The following NRXN1 variants were observed in gnomAD, a reference collection of about 807,000 sequenced individuals.
The protein encoded by NRXN1 is neurexin-1.
Under a neutral mutation model 150.9 loss-of-function variants are expected in NRXN1, and 39 were observed. That is an observed-to-expected ratio of 0.26 (90% confidence interval 0.20 to 0.34). The LOEUF is 0.34. NRXN1 is among the 10% of genes least tolerant of loss of function. The probability of loss-of-function intolerance (pLI) is 1.00; values close to 1 mark genes in which losing one functional copy is unlikely to be tolerated. For missense variants in NRXN1, 1,815 were observed against 1,949.9 expected, an observed-to-expected ratio of 0.93 and a Z score of 1.30; for synonymous variants, 924 against 757.0, an observed-to-expected ratio of 1.22 and a Z score of -3.62.
intron 5 of NRXN1, among the ~76,000 whole-genome samples, chr2:50,899,636 GT>G (rs769084080): frequency 6.6e-6 from 1 of 152,026 alleles, no homozygotes; most frequent in Non-Finnish European, 1.5e-5. Context: ...GAGTTAATTT[GT>G]TTTTTTCTAA....
At chr2:50,591,539 A>G (rs1674250331) in intron 8 of NRXN1, among the ~76,000 whole-genome samples, 2 of 152,206 alleles carry the variant, frequency 1.3e-5, no homozygotes, top group African/African-American at 4.8e-5. Flanking sequence ...TGTGGGTCCC[A>G]GGAAGTTCTG....
chr2:50,640,465 A>C (rs1683913444), intron 5 of NRXN1, among the ~76,000 whole-genome samples: 1 of 152,202 alleles, frequency 6.6e-6, no homozygotes, highest in Non-Finnish European at 1.5e-5. Flanking sequence ...TCTCTTATAA[A>C]GGAGAAACAC....
chr2:51,021,565 T>C (rs538793459), intron 2 of NRXN1, among the ~76,000 whole-genome samples: 41 of 149,740 alleles, frequency 2.7e-4, no homozygotes, highest in Admixed American at 4.7e-4. Context: ...TATATATATA[T>C]ACACAATTTT....
chr2:49,951,900 G>T (rs571036646), intron 21 of NRXN1, among the ~76,000 whole-genome samples: 1 of 152,080 alleles, frequency 6.6e-6, no homozygotes, highest in Non-Finnish European at 1.5e-5. Flanking sequence ...AAATGCCTAT[G>T]ATGGATAATT....
chr2:50,355,633 C>G (rs1293225485), intron 17 of NRXN1, among the ~76,000 whole-genome samples: 1 of 152,088 alleles, frequency 6.6e-6, no homozygotes, highest in East Asian at 1.9e-4. Flanking sequence ...TCCTTCGTCT[C>G]TTAGTATTGC....
chr2:50,956,339 A>T (rs1283528330), intron 2 of NRXN1, among the ~76,000 whole-genome samples: 1 of 152,158 alleles, frequency 6.6e-6, no homozygotes, highest in Non-Finnish European at 1.5e-5. Flanking sequence ...CTGCAATTTC[A>T]AGCATCCACT....
intron 18 of NRXN1, among the ~76,000 whole-genome samples, chr2:50,105,957 T>C (rs574089136): frequency 6.6e-6 from 1 of 151,972 alleles, no homozygotes; most frequent in East Asian, 1.9e-4. Context: ...AAAATATGAA[T>C]TGATCCATTA....
Position 50,230,593 on chromosome 2 carries a change from G to A in NRXN1, c.3546+6196C>T, listed in dbSNP as rs1174130431. Among the ~76,000 whole-genome samples, 4 of 152,010 alleles carry A rather than the reference G, an allele frequency of 2.6e-5. No homozygotes were observed. The East Asian group carries it at 7.8e-4, about 30-fold the overall frequency. On this transcript the variant is annotated intron_variant, in intron 18 of 22. Coordinates refer to ENST00000401669, the MANE Select transcript of NRXN1 (RefSeq NM_001330078.2). ...AGGCAGCAGTACAAGCCTCTAAGTG[G>A]TAAGTATGTGAACCGAGAAGAAGCT...
chr2:50,353,088 C>G (rs1349008771), intron 17 of NRXN1, among the ~76,000 whole-genome samples: 1 of 151,966 alleles, frequency 6.6e-6, no homozygotes, highest in Non-Finnish European at 1.5e-5. Flanking sequence ...TGAATTAAAG[C>G]CTAGATGTGC....
intron 2 of NRXN1, among the ~76,000 whole-genome samples, chr2:51,005,849 G>C (rs917946959): frequency 6.6e-6 from 1 of 151,716 alleles, no homozygotes; most frequent in Non-Finnish European, 1.5e-5. Flanking sequence ...CTGGCTGAGT[G>C]GATTAAAACA....
chr2:50,537,207 C>T (rs1030005620), intron 10 of NRXN1, among the ~76,000 whole-genome samples: 1 of 152,000 alleles, frequency 6.6e-6, no homozygotes, highest in Non-Finnish European at 1.5e-5. Context: ...AAAAGGGAAA[C>T]AATAAATATT....
chr2:50,809,610 C>A (rs1193097366), intron 5 of NRXN1, among the ~76,000 whole-genome samples: 3 of 152,136 alleles, frequency 2.0e-5, no homozygotes, highest in African/African-American at 7.2e-5. Context: ...TATGCCGTCA[C>A]GCTCCAGAAA....
chr2:50,255,386 T>A (rs1205193472), intron 17 of NRXN1, among the ~76,000 whole-genome samples: 1 of 152,174 alleles, frequency 6.6e-6, no homozygotes. Context: ...TTTTTGAAGT[T>A]GAAATAATTG....
At chr2:50,422,728 G>A (rs906217086) in intron 17 of NRXN1, among the ~76,000 whole-genome samples, 10 of 152,118 alleles carry the variant, frequency 6.6e-5, no homozygotes, top group African/African-American at 2.4e-4. Context: ...TCAGAGAATT[G>A]TCTGCTTAAC....
chr2:50,592,256 A>G (rs912625629), intron 8 of NRXN1, among the ~76,000 whole-genome samples: 2 of 152,260 alleles, frequency 1.3e-5, no homozygotes, highest in Non-Finnish European at 2.9e-5. Context: ...TAAAGGATTA[A>G]AAGTATTGAA....
intron 21 of NRXN1, among the ~76,000 whole-genome samples, chr2:49,947,433 A>G (rs1673113963): frequency 6.7e-6 from 1 of 150,044 alleles, no homozygotes; most frequent in African/African-American, 2.5e-5. Flanking sequence ...TGCTACTATC[A>G]TTGTCTCTTT....
intron 21 of NRXN1, among the ~76,000 whole-genome samples, chr2:50,020,490 T>A (rs1475009350): frequency 6.6e-6 from 1 of 152,228 alleles, no homozygotes; most frequent in Non-Finnish European, 1.5e-5. Context: ...CAGACAGGCT[T>A]ATCCTCAGAG....
intron 2 of NRXN1, among the ~76,000 whole-genome samples, chr2:50,989,743 T>C (rs1012217174): frequency 2.6e-5 from 4 of 152,012 alleles, no homozygotes; most frequent in Admixed American, 6.6e-5. Flanking sequence ...CAATTATAAA[T>C]AAAACCACTC....
At chr2:51,003,670 G>C (rs1700341752) in intron 2 of NRXN1, among the ~76,000 whole-genome samples, 1 of 151,884 alleles carries the variant, frequency 6.6e-6, no homozygotes, top group Non-Finnish European at 1.5e-5. Flanking sequence ...TCTGACTCCT[G>C]GTACATATGA....
Sources: allele counts gnomAD v4.1 joint callset (sites outside exome capture counted in the v4.1 genomes callset), GRCh38; gene constraint gnomAD v4.1.1; transcripts MANE v1.5; gene names NCBI Gene and HGNC (gene_info 2026-07-23, HGNC 2026-07-21).